SBF2: variants seen among roughly 807,000 people sequenced by gnomAD.
SBF2 encodes the protein myotubularin-related protein 13.
SBF2 carries 112 observed loss-of-function variants against 225.2 expected under a neutral mutation model. The ratio of observed to expected loss-of-function variants is 0.50; its 90% CI spans 0.43 to 0.58. SBF2 has a LOEUF of 0.58. Among genes scored for constraint, SBF2 ranks in the 20% least tolerant of loss-of-function variants. The probability of loss-of-function intolerance (pLI) is 0.00; values close to 1 mark genes in which losing one functional copy is unlikely to be tolerated. For synonymous variants in SBF2, 763 were observed against 773.3 expected, an observed-to-expected ratio of 0.99 and a Z score of 0.22; for missense variants, 1,996 against 2,206.2, an observed-to-expected ratio of 0.90 and a Z score of 1.91.
intron 1 of SBF2, among the ~76,000 whole-genome samples, chr11:10,304,072 C>G (rs1455929937): frequency 6.6e-6 from 1 of 152,150 alleles, no homozygotes; most frequent in Non-Finnish European, 1.5e-5. Flanking sequence ...CTTCCCCTCT[C>G]TGCAGATACC....
chr11:10,013,819 TC>T (rs1948544628), intron 6 of SBF2, among the ~76,000 whole-genome samples: 1 of 152,228 alleles, frequency 6.6e-6, no homozygotes, highest in African/African-American at 2.4e-5. Flanking sequence ...CAGCACTCAC[TC>T]TGTATTTCCC....
chr11:10,001,720 G>T (rs960544894), intron 7 of SBF2, among the ~76,000 whole-genome samples: 6 of 152,014 alleles, frequency 3.9e-5, no homozygotes, highest in Admixed American at 3.9e-4. Context: ...TACAGACGGG[G>T]TTTCACCGTG....
chr11:9,976,926 T>C (rs61877010), intron 13 of SBF2, among the ~76,000 whole-genome samples: 32,508 of 151,562 alleles, frequency 0.21, 3,583 homozygotes, highest in East Asian at 0.28. Flanking sequence ...CCCACCACCA[T>C]GCCCAGCTAA....
At position 10,158,118 on chromosome 11, in the gene SBF2, T is replaced by TA. The variant is rs532625937; in HGVS notation, c.141+35783dup. Among the ~76,000 whole-genome samples, 577 of 151,440 alleles carry TA rather than the reference T, an allele frequency of 3.8e-3. 4 individuals carry two copies. The highest frequency in any genetic ancestry group is 5.4e-3 in the South Asian group (26 of 4,782). The stretch of plus-strand genomic sequence containing the variant: ...ATCGAAGAATAAACTAAAAGAGAAG[T>TA]AAAAAAATATCTTGAGAAAGTGAAA... On this transcript the variant is annotated intron_variant, in intron 2 of 39. Transcript: ENST00000256190.
intron 2 of SBF2, among the ~76,000 whole-genome samples, chr11:10,055,193 A>G (rs1405819646): frequency 6.6e-6 from 1 of 152,126 alleles, no homozygotes; most frequent in Non-Finnish European, 1.5e-5. Context: ...TGAGCCACCA[A>G]GCCCGGTCAG....
At chr11:9,882,010 A>T (rs1392852017) in intron 17 of SBF2, among the ~76,000 whole-genome samples, 1 of 152,146 alleles carries the variant, frequency 6.6e-6, no homozygotes, top group East Asian at 1.9e-4. Context: ...AATAAAGCAC[A>T]AATGTGTTGT....
chr11:9,811,444 G>C (rs1309789897), intron 30 of SBF2: 1 of 152,194 alleles, frequency 6.6e-6, no homozygotes, highest in African/African-American at 2.4e-5. Context: ...TTTTGGTACA[G>C]GTCCACTTTC....
intron 2 of SBF2, among the ~76,000 whole-genome samples, chr11:10,156,653 G>A (rs1000145237): frequency 6.6e-6 from 1 of 152,186 alleles, no homozygotes; most frequent in Admixed American, 6.5e-5. Context: ...AATCAGGAAT[G>A]AACTTCCATT....
intron 16 of SBF2, among the ~76,000 whole-genome samples, chr11:9,935,544 T>C (rs180829894): frequency 6.6e-6 from 1 of 152,322 alleles, no homozygotes; most frequent in East Asian, 1.9e-4. Flanking sequence ...TCATGGTACC[T>C]GACTTCAAAC....
At chr11:9,801,916 C>T (rs1282006579) in intron 32 of SBF2, among the ~76,000 whole-genome samples, 1 of 152,172 alleles carries the variant, frequency 6.6e-6, no homozygotes, top group East Asian at 1.9e-4. Flanking sequence ...CTTCAAAAGG[C>T]AAATAGCTTT....
At chr11:10,048,190 A>G (rs1949937864) in intron 2 of SBF2, among the ~76,000 whole-genome samples, 4 of 152,118 alleles carry the variant, frequency 2.6e-5, no homozygotes, top group Admixed American at 2.6e-4. Flanking sequence ...GATATGAAAA[A>G]CTGGCCCTTG....
chr11:10,011,601 G>A (rs976385361), intron 6 of SBF2, among the ~76,000 whole-genome samples: 3 of 152,150 alleles, frequency 2.0e-5, no homozygotes, highest in African/African-American at 7.2e-5. Context: ...TTTTATCTTT[G>A]TTTCTGAAAG....
At chr11:9,922,297 C>T (rs1351825983) in intron 16 of SBF2, among the ~76,000 whole-genome samples, 1 of 152,018 alleles carries the variant, frequency 6.6e-6, no homozygotes, top group East Asian at 1.9e-4. Context: ...TCAGCATCCA[C>T]GAGTGAGGCA....
At chr11:10,052,124 T>C (rs1287802911) in intron 2 of SBF2, among the ~76,000 whole-genome samples, 1 of 150,522 alleles carries the variant, frequency 6.6e-6, no homozygotes, top group Non-Finnish European at 1.5e-5. Flanking sequence ...AAAATCAGGA[T>C]TTTTCTCTCC....
intron 2 of SBF2, among the ~76,000 whole-genome samples, chr11:10,129,488 A>C (rs1479210132): frequency 6.6e-6 from 1 of 152,184 alleles, no homozygotes; most frequent in Non-Finnish European, 1.5e-5. Flanking sequence ...AGAAAACTAA[A>C]AAATAAATTA....
chr11:10,060,575 C>G (rs1329179384), intron 2 of SBF2, among the ~76,000 whole-genome samples: 1 of 152,102 alleles, frequency 6.6e-6, no homozygotes, highest in Non-Finnish European at 1.5e-5. Context: ...AGAGACACAA[C>G]AGAGAAAGAA....
intron 2 of SBF2, among the ~76,000 whole-genome samples, chr11:10,076,437 T>C (rs1014164815): frequency 2.6e-5 from 4 of 152,190 alleles, no homozygotes; most frequent in Non-Finnish European, 4.4e-5. Context: ...CAGGAGCCCC[T>C]ATGGCCAGAA....
At chr11:10,027,831 A>G (rs1348162557) in intron 6 of SBF2, among the ~76,000 whole-genome samples, 2 of 152,230 alleles carry the variant, frequency 1.3e-5, no homozygotes, top group Admixed American at 6.5e-5. Context: ...TGGTGGGATG[A>G]GAAGAATGAG....
At chr11:9,823,135 C>G (rs1019096151) in intron 28 of SBF2, among the ~76,000 whole-genome samples, 10 of 152,170 alleles carry the variant, frequency 6.6e-5, no homozygotes, top group Non-Finnish European at 8.8e-5. Flanking sequence ...TTCTACTCAA[C>G]AAAGAAATTT....
Sources: gnomAD v4.1 joint callset for allele counts (sites outside exome capture counted in the v4.1 genomes callset) on GRCh38, gnomAD v4.1.1 for gene constraint, MANE v1.5 for transcripts, NCBI Gene and HGNC (gene_info 2026-07-23, HGNC 2026-07-21) for gene names.